Variants in OPCML observed in about 807,000 individuals in gnomAD.
OPCML encodes opioid binding protein/cell adhesion molecule like.
A neutral mutation model predicts 37.8 loss-of-function variants in OPCML; 13 were observed. That is an observed-to-expected ratio of 0.34 (90% CI 0.22 to 0.55). OPCML has a LOEUF of 0.55. Among genes scored for constraint, OPCML ranks in the 20% least tolerant of loss-of-function variants. OPCML has a pLI of 0.91. For missense variants in OPCML, 341 were observed against 435.6 expected, an observed-to-expected ratio of 0.78 and a Z score of 1.93; for synonymous variants, 176 against 168.8, an observed-to-expected ratio of 1.04 and a Z score of -0.33.
In OPCML at chr11:132,971,107, T is replaced by C. The variant is rs151169554; in HGVS notation, c.62-28097A>G. Among the ~76,000 whole-genome samples the C allele has an allele frequency of 3.6e-3, 541 of 152,306 alleles. 2 individuals carry two copies. The highest frequency in any genetic ancestry group is 0.012 in the African/African-American group (519 of 41,564). On this transcript the variant is annotated intron_variant, in intron 1 of 7. Transcript: ENST00000524381. ...ACCGACTGTCACAAAGAAGCCTTTT[T>C]TCTAGCTGTTGAGAAAGAAGGCAAG...
chr11:132,660,416 A>AT (rs1376995157), intron 2 of OPCML, among the ~76,000 whole-genome samples: 2 of 152,188 alleles, frequency 1.3e-5, no homozygotes, highest in Non-Finnish European at 2.9e-5. Flanking sequence ...TTTTAATGCA[A>AT]TGAATTGGAA....
chr11:133,192,170 CA>C (rs968646950), intron 1 of OPCML, among the ~76,000 whole-genome samples: 1 of 152,200 alleles, frequency 6.6e-6, no homozygotes, highest in Admixed American at 6.5e-5. Flanking sequence ...TTTAGCAAAG[CA>C]GATGAAGGGG....
intron 1 of OPCML, among the ~76,000 whole-genome samples, chr11:132,997,449 G>C (rs1055535270): frequency 3.3e-5 from 5 of 152,192 alleles, no homozygotes; most frequent in African/African-American, 1.2e-4. Flanking sequence ...CCTGTCATCT[G>C]TTCCTCCTGG....
chr11:133,175,198 G>A (rs1950349672), intron 1 of OPCML, among the ~76,000 whole-genome samples: 1 of 152,152 alleles, frequency 6.6e-6, no homozygotes, highest in South Asian at 2.1e-4. Context: ...TTGTATTTCA[G>A]AGGCCCACCA....
rs559638420 is a variant in OPCML at position 132,896,360 on chromosome 11, C to T, written c.146+46566G>A. On this transcript the variant is annotated intron_variant, in intron 2 of 7. Transcript: ENST00000524381. ...CTCTGTGATTGCTCTTCTCTGTAGA[C>T]CAGACCTTACAATGGGAGCTGCTGT... 3.9e-5 allele frequency among the ~76,000 whole-genome samples: 6 copies of T among 152,308 alleles called. No homozygotes were observed. In the South Asian group the frequency reaches 1.2e-3, roughly 32 times the overall value.
chr11:132,901,467 T>C (rs1445394198), intron 2 of OPCML, among the ~76,000 whole-genome samples: 1 of 152,212 alleles, frequency 6.6e-6, no homozygotes, highest in Admixed American at 6.5e-5. Context: ...AGCCCAGCGT[T>C]GCACTTGTCA....
At chr11:133,304,727 G>T (rs916752621) in intron 1 of OPCML, among the ~76,000 whole-genome samples, 1 of 152,168 alleles carries the variant, frequency 6.6e-6, no homozygotes, top group Non-Finnish European at 1.5e-5. Context: ...AATTGATTAA[G>T]GGACACAAAT....
At chr11:132,537,820 G>A (rs1194396597) in intron 3 of OPCML, among the ~76,000 whole-genome samples, 4 of 152,060 alleles carry the variant, frequency 2.6e-5, no homozygotes, top group Non-Finnish European at 5.9e-5. Flanking sequence ...AAGATGTTTA[G>A]CACCATTATT....
chr11:132,542,051 C>T (rs916773868), intron 3 of OPCML, among the ~76,000 whole-genome samples: 4 of 152,184 alleles, frequency 2.6e-5, no homozygotes, highest in South Asian at 2.1e-4. Flanking sequence ...CTAGACCTGT[C>T]ATTTAGTGAT....
intron 1 of OPCML, among the ~76,000 whole-genome samples, chr11:133,347,178 T>C (rs1944022264): frequency 6.6e-6 from 1 of 152,248 alleles, no homozygotes; most frequent in African/African-American, 2.4e-5. Flanking sequence ...GGCTTGTGCC[T>C]TTGCTTCAGT....
chr11:132,653,463 A>G (rs1340115130), intron 3 of OPCML, among the ~76,000 whole-genome samples: 1 of 151,982 alleles, frequency 6.6e-6, no homozygotes, highest in Non-Finnish European at 1.5e-5. Flanking sequence ...ATCCGACCCC[A>G]CAGCTGAGCA....
At chr11:133,335,652 G>A (rs572728896) in intron 1 of OPCML, among the ~76,000 whole-genome samples, 6 of 152,186 alleles carry the variant, frequency 3.9e-5, no homozygotes, top group East Asian at 3.9e-4. Flanking sequence ...CACTGGAATC[G>A]CCTCCTCCAA....
intron 2 of OPCML, among the ~76,000 whole-genome samples, chr11:132,793,904 G>A (rs1332042940): frequency 6.6e-6 from 1 of 152,154 alleles, no homozygotes; most frequent in Non-Finnish European, 1.5e-5. Flanking sequence ...GGTGGCATGG[G>A]TCTGGCTGCA....
chr11:133,354,262 G>A (rs1289751893), intron 1 of OPCML, among the ~76,000 whole-genome samples: 2 of 19,796 alleles, frequency 1.0e-4, no homozygotes, highest in Non-Finnish European at 3.0e-4. Context: ...GATAGTGGTG[G>A]TGGTAGTGGT....
intron 1 of OPCML, among the ~76,000 whole-genome samples, chr11:133,395,904 T>C (rs1945274757): frequency 6.6e-6 from 1 of 152,184 alleles, no homozygotes; most frequent in African/African-American, 2.4e-5. Context: ...GGATTGTTTT[T>C]GCTATTTCTG....
chr11:132,865,421 G>A, intron 2 of OPCML, among the ~76,000 whole-genome samples: 1 of 152,144 alleles, frequency 6.6e-6, no homozygotes, highest in East Asian at 1.9e-4. Flanking sequence ...TACTACAACT[G>A]AACAAATAGG....
intron 3 of OPCML, among the ~76,000 whole-genome samples, chr11:132,544,598 C>T (rs761505863): frequency 6.6e-6 from 1 of 152,118 alleles, no homozygotes; most frequent in South Asian, 2.1e-4. Flanking sequence ...GTGTCACCAG[C>T]CCAGAAAATA....
intron 2 of OPCML, among the ~76,000 whole-genome samples, chr11:132,904,405 T>C (rs192610356): frequency 0.07 from 10,527 of 151,302 alleles, 449 homozygotes; most frequent in Middle Eastern, 0.14. Context: ...TCCATCTCAA[T>C]TGATTTAGAT....
At chr11:132,637,175 T>C (rs1940557207) in intron 3 of OPCML, among the ~76,000 whole-genome samples, 1 of 152,174 alleles carries the variant, frequency 6.6e-6, no homozygotes, top group South Asian at 2.1e-4. Context: ...AGCTGAATTT[T>C]TCTGGCGACT....
Sources: gnomAD v4.1 joint callset for allele counts (sites outside exome capture counted in the v4.1 genomes callset) on GRCh38, gnomAD v4.1.1 for gene constraint, MANE v1.5 for transcripts, NCBI Gene and HGNC (gene_info 2026-07-23, HGNC 2026-07-21) for gene names.